Variants in RFTN1 observed in about 807,000 individuals in gnomAD.
RFTN1 encodes the protein raftlin, lipid raft linker 1, also known as raftlin.
RFTN1 carries 26 observed loss-of-function variants against 46.5 expected under a neutral mutation model. That is an observed-to-expected ratio of 0.56 (90% CI 0.41 to 0.78). The LOEUF (loss-of-function observed/expected upper bound fraction) is 0.78, where lower values mean the gene tolerates loss of function less well. Among genes scored for constraint, RFTN1 ranks in the 30% least tolerant of loss-of-function variants. The pLI, the probability that RFTN1 is intolerant of heterozygous loss-of-function variation, is 0.00. For missense variants in RFTN1, 693 were observed against 718.7 expected, an observed-to-expected ratio of 0.96 and a Z score of 0.41; for synonymous variants, 261 against 284.2, an observed-to-expected ratio of 0.92 and a Z score of 0.82.
chr3:16,324,343 T>C (rs1281689682), intron 8 of RFTN1, among the ~76,000 whole-genome samples: 1 of 152,208 alleles, frequency 6.6e-6, no homozygotes, highest in Admixed American at 6.5e-5. Context: ...CATTATTGTT[T>C]ATAATAGTCA....
chr3:16,420,418 A>G (rs2075162432), intron 3 of RFTN1, among the ~76,000 whole-genome samples: 1 of 152,256 alleles, frequency 6.6e-6, no homozygotes, highest in Admixed American at 6.5e-5. Context: ...GGTTCAGAAA[A>G]GTCACATATC....
intron 6 of RFTN1, among the ~76,000 whole-genome samples, chr3:16,363,573 A>G (rs770068064): frequency 6.6e-6 from 1 of 152,252 alleles, no homozygotes; most frequent in Non-Finnish European, 1.5e-5. Context: ...AGCCTCTGAG[A>G]CATTAAGACT....
chr3:16,413,861 C>T lies in RFTN1; in HGVS notation c.333-4378G>A, dbSNP rs2075019834. 6.6e-6 allele frequency among the ~76,000 whole-genome samples: 1 copy of T among 152,168 alleles called. No individual in the cohort carries two copies. Among genetic ancestry groups the T allele is most frequent in the Non-Finnish European group, 1.5e-5 (1 of 68,022 alleles). ...AGCTAACTAGAGGCAGGTAATACAC[C>T]AGCTGTGAGCCTTTGGGCAATTTAC... On this transcript the variant is annotated intron_variant, in intron 3 of 9. Transcript: ENST00000334133. This position sits in a 1 kb window ranked among gnomAD's most constrained non-coding sequence, Gnocchi z 4.7.
intron 2 of RFTN1, among the ~76,000 whole-genome samples, chr3:16,478,471 G>T (rs931539490): frequency 9.2e-5 from 14 of 152,242 alleles, no homozygotes; most frequent in African/African-American, 3.4e-4. Context: ...CCATGATGTT[G>T]TCTCTCATAT....
At chr3:16,456,760 A>G in intron 2 of RFTN1, among the ~76,000 whole-genome samples, 1 of 152,184 alleles carries the variant, frequency 6.6e-6, no homozygotes, top group Non-Finnish European at 1.5e-5. Context: ...AGCCACAGGA[A>G]AACTCCATTG....
At position 16,351,243 on chromosome 3, in the gene RFTN1, C is replaced by T. The variant is rs2072080250; in HGVS notation, c.1146+6689G>A. Among the ~76,000 whole-genome samples the T allele has an allele frequency of 6.6e-6, 1 of 152,148 alleles. No individual in the cohort carries two copies. Among genetic ancestry groups the T allele is most frequent in the Non-Finnish European group, 1.5e-5 (1 of 68,034 alleles). On this transcript the variant is annotated intron_variant, in intron 7 of 9. Transcript: ENST00000334133. This position sits in a 1 kb window ranked among gnomAD's most constrained non-coding sequence, Gnocchi z 5.4. The stretch of plus-strand genomic sequence containing the variant: ...GTGTCAGGCACTGGTGGAGAGATTC[C>T]TGCAGCGCGCCAAGGACTGTGTCCT...
At chr3:16,414,669 G>C (rs1273586460) in intron 3 of RFTN1, among the ~76,000 whole-genome samples, 1 of 152,090 alleles carries the variant, frequency 6.6e-6, no homozygotes, top group African/African-American at 2.4e-5. Flanking sequence ...GAATGGCAGG[G>C]GCAGCAGGGA....
rs926435949 is a variant in RFTN1, at chr3:16,422,002, A to G, written c.332+11849T>C. Among the ~76,000 whole-genome samples the G allele has an allele frequency of 1.3e-5, 2 of 152,152 alleles. No individual in the cohort carries two copies. Among genetic ancestry groups the G allele is most frequent in the African/African-American group, 4.8e-5 (2 of 41,424 alleles). ...ACCACCTTCAACCTGAATGCTAAAT[A>G]TTATGACACATCATCTCTCTCCTAA... On this transcript the variant is annotated intron_variant, in intron 3 of 9. Coordinates refer to ENST00000334133, the MANE Select transcript of RFTN1 (RefSeq NM_015150.2). This position sits in a 1 kb window ranked among gnomAD's most constrained non-coding sequence, Gnocchi z 4.6.
At chr3:16,369,039 C>T (rs766022322) in intron 6 of RFTN1, among the ~76,000 whole-genome samples, 4 of 152,206 alleles carry the variant, frequency 2.6e-5, no homozygotes, top group Admixed American at 1.3e-4. Context: ...ACTATGATAA[C>T]GTGTCAATAT....
intron 4 of RFTN1, among the ~76,000 whole-genome samples, chr3:16,393,267 G>A (rs1046580170): frequency 4.6e-5 from 7 of 152,130 alleles, no homozygotes; most frequent in African/African-American, 9.7e-5. Flanking sequence ...AACCTGGAAC[G>A]AAGATTTGAA....
At chr3:16,409,600 C>G in intron 3 of RFTN1, 117 bp from the exon 4 acceptor site, 1 of 634,336 alleles carries the variant, frequency 1.6e-6, no homozygotes, top group Non-Finnish European at 2.8e-6. Flanking sequence ...TCACTGCAAC[C>G]CCCACCTCCC....
rs1443789973 is a variant in RFTN1 at position 16,446,673 on chromosome 3, T to A, written c.146-12636A>T. On this transcript the variant is annotated intron_variant, in intron 2 of 9. Transcript: ENST00000334133. This position sits in a 1 kb window ranked among gnomAD's most constrained non-coding sequence, Gnocchi z 4.5. ...CCAAATAATAATAGGACAAAGACCA[T>A]GGTTGTATACAAGACAGTGACTGGA... is the stretch of plus-strand genomic sequence containing the variant. Among the ~76,000 whole-genome samples the A allele has an allele frequency of 2.6e-5, 4 of 152,114 alleles. No homozygotes were observed. Among genetic ancestry groups the A allele is most frequent in the Non-Finnish European group, 4.4e-5 (3 of 68,026 alleles).
At chr3:16,409,750 T>A (rs926384380) in intron 3 of RFTN1, among the ~76,000 whole-genome samples, 4 of 151,132 alleles carry the variant, frequency 2.6e-5, no homozygotes, top group African/African-American at 9.8e-5. Context: ...AGTGGCGTGA[T>A]CTCGGCTCAC....
In RFTN1 at chr3:16,370,081, A is replaced by G. The variant is rs1323311885; in HGVS notation, c.1025T>C (p.Val342Ala). The G allele has an allele frequency of 1.2e-6, 2 of 1,614,178 alleles. No individual in the cohort carries two copies. Among genetic ancestry groups the G allele is most frequent in the Admixed American group, 1.7e-5 (1 of 60,032 alleles). ...ACTGTGAATTCCAAACATACCATTC[A>G]CTATTCCAAGGTAGAAGACTGCGTT... ...LVNAVFYLGI[V>A]NDSLHGLTDG... The change falls in exon 6 of 10, where the codon GTG (valine) becomes GCG (alanine). Residue 342 changes from valine (V) to alanine (A), a missense_variant. Transcript: ENST00000334133. This position sits in a 1 kb window ranked among gnomAD's most constrained non-coding sequence, Gnocchi z 5.5.
chr3:16,493,899 C>T (rs778968243), intron 1 of RFTN1, 22 bp from the exon 2 acceptor site: 36 of 1,611,908 alleles, frequency 2.2e-5, no homozygotes, highest in Middle Eastern at 1.6e-4. Context: ...AGGAAAAAGG[C>T]GGGGAGGTGA....
chr3:16,356,587 C>T lies in RFTN1; in HGVS notation c.1146+1345G>A, dbSNP rs2072451379. Among the ~76,000 whole-genome samples, 1 of 152,194 alleles carries T rather than the reference C, an allele frequency of 6.6e-6. No homozygotes were observed. The highest frequency in any genetic ancestry group is 1.5e-5 in the Non-Finnish European group (1 of 68,034). ...GTGTCCCGGGGGACATCCAACTCACCCCCCACCATCCCATCTCCACTTCAA... is the reference window on the plus strand; with the variant it reads ...GTGTCCCGGGGGACATCCAACTCACTCCCCACCATCCCATCTCCACTTCAA... On this transcript the variant is annotated intron_variant, in intron 7 of 9. Transcript: ENST00000334133. The surrounding 1 kb of genome is among the most constrained non-coding windows in gnomAD (Gnocchi z 4.9).
At chr3:16,406,513 G>A (rs1376752562) in intron 4 of RFTN1, among the ~76,000 whole-genome samples, 3 of 152,168 alleles carry the variant, frequency 2.0e-5, no homozygotes, top group African/African-American at 4.8e-5. Context: ...GAGACACTGC[G>A]GGTCAGAAAT....
In RFTN1 at chr3:16,499,695, G is replaced by A. The variant is rs79273116; in HGVS notation, c.-8-5818C>T. On this transcript the variant is annotated intron_variant, in intron 1 of 9. Coordinates refer to ENST00000334133, the MANE Select transcript of RFTN1 (RefSeq NM_015150.2). The surrounding 1 kb of genome is among the most constrained non-coding windows in gnomAD (Gnocchi z 4.9). ...AGCAACTTATATACCAAGTCTGCTC[G>A]AAATGACCATGGCCTGCCGCCTCCT... 2.8e-4 allele frequency among the ~76,000 whole-genome samples: 43 copies of A among 152,296 alleles called. No homozygotes were observed. Among genetic ancestry groups the A allele is most frequent in the African/African-American group, 7.0e-4 (29 of 41,556 alleles).
intron 6 of RFTN1, among the ~76,000 whole-genome samples, chr3:16,362,335 C>T (rs1035043926): frequency 6.6e-6 from 1 of 152,188 alleles, no homozygotes; most frequent in Non-Finnish European, 1.5e-5. Flanking sequence ...TGAAATGTTC[C>T]TCCCAAGTGC....
Sources: gnomAD v4.1 joint callset for allele counts (sites outside exome capture counted in the v4.1 genomes callset) on GRCh38, gnomAD v4.1.1 for gene constraint, Gnocchi (gnomAD v3.1) non-coding constraint, MANE v1.5 for transcripts, NCBI Gene and HGNC (gene_info 2026-07-23, HGNC 2026-07-21) for gene names.